The following ZNF804B variants were observed in gnomAD, a reference collection of about 807,000 sequenced individuals.
The protein encoded by ZNF804B is zinc finger 804B.
ZNF804B carries 80 observed loss-of-function variants against 101.4 expected under a neutral mutation model. That is an observed-to-expected ratio of 0.79 (90% confidence interval 0.66 to 0.95). ZNF804B has a LOEUF of 0.95. Among genes scored for constraint, ZNF804B ranks in the 40% least tolerant of loss-of-function variants. The pLI is 0.00. For synonymous variants in ZNF804B, 622 were observed against 558.8 expected, an observed-to-expected ratio of 1.11 and a Z score of -1.59; for missense variants, 1,673 against 1,561.9, an observed-to-expected ratio of 1.07 and a Z score of -1.20.
At chr7:88,958,466 A>G (rs921110189) in intron 1 of ZNF804B, among the ~76,000 whole-genome samples, 14 of 151,486 alleles carry the variant, frequency 9.2e-5, no homozygotes, top group African/African-American at 3.1e-4. Flanking sequence ...GGCAAGTAAT[A>G]ATAGCTAGGG....
intron 1 of ZNF804B, among the ~76,000 whole-genome samples, chr7:89,092,362 C>G (rs75288188): frequency 1.3e-5 from 2 of 148,682 alleles, no homozygotes; most frequent in African/African-American, 2.5e-5. Flanking sequence ...TGGACACTTA[C>G]GTTATACTTT....
chr7:89,080,811 G>C (rs1268487467), intron 1 of ZNF804B, among the ~76,000 whole-genome samples: 2 of 151,770 alleles, frequency 1.3e-5, no homozygotes, highest in Non-Finnish European at 2.9e-5. Flanking sequence ...GTTAAAGCAG[G>C]GTGTTTTGAT....
chr7:89,328,776 C>T (rs1170435847), intron 3 of ZNF804B, among the ~76,000 whole-genome samples: 4 of 151,892 alleles, frequency 2.6e-5, no homozygotes, highest in African/African-American at 9.7e-5. Flanking sequence ...CGTCTTTAGA[C>T]AGGTCCCTTA....
intron 1 of ZNF804B, among the ~76,000 whole-genome samples, chr7:89,120,384 G>A (rs1224878983): frequency 2.0e-5 from 3 of 152,080 alleles, no homozygotes; most frequent in Non-Finnish European, 4.4e-5. Flanking sequence ...CTGGCCGGGT[G>A]CGGTGGCTCA....
chr7:88,808,555 A>T (rs1311396944), intron 1 of ZNF804B, among the ~76,000 whole-genome samples: 2 of 152,130 alleles, frequency 1.3e-5, no homozygotes, highest in Non-Finnish European at 2.9e-5. Flanking sequence ...GTGTACTGGG[A>T]TTTAACCATC....
intron 1 of ZNF804B, among the ~76,000 whole-genome samples, chr7:88,845,538 T>TC (rs1307406313): frequency 6.6e-6 from 1 of 152,026 alleles, no homozygotes; most frequent in Non-Finnish European, 1.5e-5. Flanking sequence ...CTGTTATTTT[T>TC]CAAATGGAAC....
In ZNF804B at chr7:89,337,581, G is replaced by A. The variant is rs969945259; in HGVS notation, c.*549G>A. Among the ~76,000 whole-genome samples the A allele has an allele frequency of 6.6e-6, 1 of 151,986 alleles. No homozygotes were observed. The highest frequency in any genetic ancestry group is 1.5e-5 in the Non-Finnish European group (1 of 67,972). On this transcript the variant is annotated 3_prime_UTR_variant, in exon 4 of 4. Coordinates refer to ENST00000333190, the MANE Select transcript of ZNF804B (RefSeq NM_181646.5). ...AACAAGACATTTTCTGATTAATTTA[G>A]GTTGAAAATTACATTTTAATGAAAA...
At chr7:88,786,088 C>A (rs543584028) in intron 1 of ZNF804B, among the ~76,000 whole-genome samples, 192 of 152,224 alleles carry the variant, frequency 1.3e-3, no homozygotes, top group Non-Finnish European at 2.1e-3. Context: ...GGCAAAGTGC[C>A]TGACACTGTT....
chr7:89,139,445 A>G (rs966059312), intron 1 of ZNF804B, among the ~76,000 whole-genome samples: 5 of 152,050 alleles, frequency 3.3e-5, no homozygotes, highest in South Asian at 2.1e-4. Context: ...GTAACCTGCA[A>G]TGCTGTTTGA....
Position 89,334,769 on chromosome 7 carries a change from ATAG to A in ZNF804B, c.1792_1794del (p.Ser598del). 4 of 1,613,822 alleles carry A rather than the reference ATAG, an allele frequency of 2.5e-6. No homozygotes were observed. Among genetic ancestry groups the A allele is most frequent in the Non-Finnish European group, 3.4e-6 (4 of 1,179,854 alleles). The stretch of plus-strand genomic sequence containing the variant: ...CTAAAGGATTGTGCTGGAAAGAATA[ATAG>A]TAGTGAGAACAAACTTAAGGAAGCT... On this transcript the variant is annotated inframe_deletion, in exon 4 of 4. Transcript: ENST00000333190.
intron 1 of ZNF804B, among the ~76,000 whole-genome samples, chr7:88,830,639 A>G (rs1394557138): frequency 1.3e-5 from 2 of 152,082 alleles, no homozygotes; most frequent in Admixed American, 6.6e-5. Context: ...TTACATAACC[A>G]GAATACAGTG....
chr7:89,220,046 C>CGTGT (rs1562920291), intron 2 of ZNF804B, among the ~76,000 whole-genome samples: 3 of 30,660 alleles, frequency 9.8e-5, no homozygotes, highest in African/African-American at 5.2e-4. Flanking sequence ...CATATATGTG[C>CGTGT]ATATATACAT....
intron 2 of ZNF804B, among the ~76,000 whole-genome samples, chr7:89,286,089 T>A (rs908606324): frequency 2.0e-4 from 30 of 152,206 alleles, no homozygotes; most frequent in African/African-American, 6.5e-4. Flanking sequence ...GTTCTTTTGA[T>A]GTTGAAAAAT....
intron 1 of ZNF804B, among the ~76,000 whole-genome samples, chr7:88,816,270 A>G (rs1790875400): frequency 6.6e-6 from 1 of 152,146 alleles, no homozygotes; most frequent in Non-Finnish European, 1.5e-5. Flanking sequence ...ACCTAAAACC[A>G]TAAAAGCTGC....
At chr7:88,969,408 A>G (rs1023267445) in intron 1 of ZNF804B, among the ~76,000 whole-genome samples, 4 of 151,658 alleles carry the variant, frequency 2.6e-5, no homozygotes, top group African/African-American at 7.2e-5. Context: ...CATCAATTCC[A>G]TGTTACAACT....
rs1283979196 is a variant in ZNF804B at position 89,337,536 on chromosome 7, G to A, written c.*504G>A. Among the ~76,000 whole-genome samples the A allele has an allele frequency of 6.6e-6, 1 of 152,150 alleles. No individual in the cohort carries two copies. The highest frequency in any genetic ancestry group is 1.9e-4 in the East Asian group (1 of 5,172). ...TTTTCAATTAATGTAGTCTGTTACT[G>A]TATTTTCATAGGAAATAAGAACAAG... is the stretch of plus-strand genomic sequence containing the variant. On this transcript the variant is annotated 3_prime_UTR_variant, in exon 4 of 4. Transcript: ENST00000333190.
intron 1 of ZNF804B, among the ~76,000 whole-genome samples, chr7:89,074,906 A>G (rs1001675645): frequency 1.3e-5 from 2 of 152,220 alleles, no homozygotes; most frequent in Non-Finnish European, 2.9e-5. Flanking sequence ...GAACTGGAGC[A>G]AAGGTAACTC....
At chr7:88,855,780 T>A (rs1315845820) in intron 1 of ZNF804B, among the ~76,000 whole-genome samples, 1 of 152,208 alleles carries the variant, frequency 6.6e-6, no homozygotes, top group Admixed American at 6.5e-5. Context: ...TTAATTTTTG[T>A]ATAAGGTGCA....
intron 1 of ZNF804B, among the ~76,000 whole-genome samples, chr7:89,173,554 GATAA>G (rs1255760601): frequency 2.0e-5 from 3 of 151,960 alleles, no homozygotes; most frequent in African/African-American, 7.2e-5. Flanking sequence ...GAATGAAATG[GATAA>G]ATAAATAGTG....
Sources: gnomAD v4.1 joint callset for allele counts (sites outside exome capture counted in the v4.1 genomes callset) on GRCh38, gnomAD v4.1.1 for gene constraint, MANE v1.5 for transcripts, NCBI Gene and HGNC (gene_info 2026-07-23, HGNC 2026-07-21) for gene names.